Variants in PRDM16 observed in about 807,000 individuals in gnomAD.
The protein encoded by PRDM16 is PR/SET domain 16, also known as histone-lysine N-methyltransferase PRDM16.
A neutral mutation model predicts 110.6 loss-of-function variants in PRDM16; 23 were observed. That is an observed-to-expected ratio of 0.21 (90% CI 0.15 to 0.29). The LOEUF is 0.29. Among genes scored for constraint, PRDM16 ranks in the 10% least tolerant of loss-of-function variants. The probability of loss-of-function intolerance (pLI) is 1.00; values close to 1 mark genes in which losing one functional copy is unlikely to be tolerated. For missense variants in PRDM16, 1,615 were observed against 1,794.3 expected, an observed-to-expected ratio of 0.90 and a Z score of 1.81; for synonymous variants, 799 against 781.8, an observed-to-expected ratio of 1.02 and a Z score of -0.37.
chr1:3,115,989 C>A (rs376638917), intron 1 of PRDM16, among the ~76,000 whole-genome samples: 1 of 152,168 alleles, frequency 6.6e-6, no homozygotes, highest in Admixed American at 6.6e-5. Context: ...GACTCCCAGG[C>A]GGCCCCTCCC....
At chr1:3,161,790 G>A (rs1336409722) in intron 1 of PRDM16, among the ~76,000 whole-genome samples, 1 of 152,256 alleles carries the variant, frequency 6.6e-6, no homozygotes, top group Non-Finnish European at 1.5e-5. Context: ...GCCCATGCCA[G>A]CGGCGTCCCA....
At position 3,255,472 on chromosome 1, in the gene PRDM16, C is replaced by A. The variant is rs985328848; in HGVS notation, c.438+11335C>A. Among the ~76,000 whole-genome samples the A allele has an allele frequency of 1.3e-5, 2 of 152,092 alleles. No homozygotes were observed. The highest frequency in any genetic ancestry group is 4.8e-5 in the African/African-American group (2 of 41,408). On this transcript the variant is annotated intron_variant, in intron 3 of 16. Transcript: ENST00000270722. This position sits in a 1 kb window ranked among gnomAD's most constrained non-coding sequence, Gnocchi z 4.7. Reference sequence around the variant, plus strand: ...GCACTGAGCTGTCAACACAGTTGGGCTCAGAGAGAGGCAAGACAGTGGGGC... The same window carrying A: ...GCACTGAGCTGTCAACACAGTTGGGATCAGAGAGAGGCAAGACAGTGGGGC...
intron 3 of PRDM16, among the ~76,000 whole-genome samples, chr1:3,311,616 G>A (rs1482946379): frequency 6.6e-6 from 1 of 152,162 alleles, no homozygotes. Context: ...CAGGGAAACC[G>A]AGGCACAGAG....
intron 1 of PRDM16, among the ~76,000 whole-genome samples, chr1:3,130,681 T>C (rs964854983): frequency 1.3e-5 from 2 of 152,142 alleles, no homozygotes; most frequent in African/African-American, 2.4e-5. Context: ...CTTCAGTTTC[T>C]TAATTTTCAA....
intron 3 of PRDM16, among the ~76,000 whole-genome samples, chr1:3,251,996 C>G (rs1186579165): frequency 6.6e-6 from 1 of 152,234 alleles, no homozygotes; most frequent in Non-Finnish European, 1.5e-5. Flanking sequence ...ACCTGCCAAA[C>G]CTCGTTACCA....
chr1:3,429,039 TAGG>T (rs1638695247), intron 14 of PRDM16, among the ~76,000 whole-genome samples: 1 of 152,132 alleles, frequency 6.6e-6, no homozygotes, highest in South Asian at 2.1e-4. Context: ...AAGGGTCACA[TAGG>T]AGGGCCGAAG....
intron 3 of PRDM16, among the ~76,000 whole-genome samples, chr1:3,287,639 G>T (rs545284141): frequency 2.7e-5 from 1 of 37,124 alleles, no homozygotes; most frequent in South Asian, 7.8e-4. Flanking sequence ...CATTTACCGG[G>T]GCTGGAGCCG....
At chr1:3,258,283 G>C (rs559952513) in intron 3 of PRDM16, among the ~76,000 whole-genome samples, 2 of 152,066 alleles carry the variant, frequency 1.3e-5, no homozygotes, top group Non-Finnish European at 2.9e-5. Flanking sequence ...TGTTATCTAT[G>C]GGGGGGATAT....
chr1:3,145,230 C>T (rs1399743753), intron 1 of PRDM16, among the ~76,000 whole-genome samples: 2 of 152,180 alleles, frequency 1.3e-5, no homozygotes, highest in African/African-American at 4.8e-5. Flanking sequence ...CTAGGAACGT[C>T]CACGTGCAGA....
intron 14 of PRDM16, among the ~76,000 whole-genome samples, chr1:3,427,054 G>A (rs373965626): frequency 5.3e-5 from 8 of 152,374 alleles, no homozygotes; most frequent in South Asian, 2.1e-4. Context: ...CATGCGTGAC[G>A]GACAGCCGTG....
Position 3,238,438 on chromosome 1 carries a change from A to C in PRDM16, c.388-5649A>C, listed in dbSNP as rs185732488. 6.4e-3 allele frequency among the ~76,000 whole-genome samples: 977 copies of C among 152,340 alleles called. 13 individuals are homozygous for C. The highest frequency in any genetic ancestry group is 0.022 in the African/African-American group (907 of 41,570). Reference sequence around the variant, plus strand: ...ACTGAGAAGTAACTGTTTAGGCATAAAAGCTAAAAGCAGTGTCCAAGGAGC... The same window carrying C: ...ACTGAGAAGTAACTGTTTAGGCATACAAGCTAAAAGCAGTGTCCAAGGAGC... On this transcript the variant is annotated intron_variant, in intron 2 of 16. Transcript: ENST00000270722.
chr1:3,366,853 G>A (rs947402415), intron 3 of PRDM16, among the ~76,000 whole-genome samples: 2 of 152,184 alleles, frequency 1.3e-5, no homozygotes, highest in Non-Finnish European at 2.9e-5. Context: ...TGAACACCAC[G>A]TCAGTCTACC....
Position 3,435,461 on chromosome 1 carries a change from T to C in PRDM16, c.*1650T>C. On this transcript the variant is annotated 3_prime_UTR_variant, in exon 17 of 17. Coordinates refer to ENST00000270722, the MANE Select transcript of PRDM16 (RefSeq NM_022114.4). ...CCTGCTGCCGTTTACCAGACAATCA[T>C]ATGTTTTTGTTAAATTTGCGTTTCA... 4.4e-6 allele frequency: 1 copy of C among 229,448 alleles called. No individual in the cohort carries two copies. Among genetic ancestry groups the C allele is most frequent in the Non-Finnish European group, 8.6e-6 (1 of 115,700 alleles). The allele number at this position is 229,448 out of a possible 1,614,324, so 14.2% of individuals were successfully genotyped here.
chr1:3,189,205 G>A (rs1033102693), intron 2 of PRDM16, among the ~76,000 whole-genome samples: 2 of 152,188 alleles, frequency 1.3e-5, no homozygotes, highest in Admixed American at 6.5e-5. Context: ...TTCCAGACAC[G>A]AGAAGGACCT....
At chr1:3,165,085 C>T (rs1229141930) in intron 1 of PRDM16, among the ~76,000 whole-genome samples, 19 of 152,228 alleles carry the variant, frequency 1.2e-4, no homozygotes, top group Admixed American at 2.6e-4. Context: ...ACAGGAGCTC[C>T]GGGCCCCCCT....
At chr1:3,207,862 AGAG>A (rs1638789515) in intron 2 of PRDM16, 2 of 152,386 alleles carry the variant, frequency 1.3e-5, no homozygotes, top group South Asian at 2.1e-4. Flanking sequence ...CTCAGGAACC[AGAG>A]GAGAAGGCAG....
chr1:3,181,695 CTTACACACG>C (rs1644199421), intron 1 of PRDM16, among the ~76,000 whole-genome samples: 1 of 145,550 alleles, frequency 6.9e-6, no homozygotes, highest in African/African-American at 2.6e-5. Context: ...TACACACGGT[CTTACACACG>C]GTCTTACACA....
At chr1:3,084,088 G>T (rs898270014) in intron 1 of PRDM16, among the ~76,000 whole-genome samples, 1 of 152,224 alleles carries the variant, frequency 6.6e-6, no homozygotes, top group Non-Finnish European at 1.5e-5. Flanking sequence ...GGCTGGGGAC[G>T]ACCGAATCCC....
At chr1:3,404,033 G>A (rs1439917172) in intron 6 of PRDM16, among the ~76,000 whole-genome samples, 7 of 152,206 alleles carry the variant, frequency 4.6e-5, no homozygotes, top group Admixed American at 3.3e-4. Flanking sequence ...ATTAACAACG[G>A]GGGAAAAGAT....
Sources: gnomAD v4.1 joint callset for allele counts (sites outside exome capture counted in the v4.1 genomes callset) on GRCh38, gnomAD v4.1.1 for gene constraint, Gnocchi (gnomAD v3.1) non-coding constraint, MANE v1.5 for transcripts, NCBI Gene and HGNC (gene_info 2026-07-23, HGNC 2026-07-21) for gene names.